GRIA1: variants seen among roughly 807,000 people sequenced by gnomAD.
GRIA1 encodes the protein glutamate ionotropic receptor AMPA type subunit 1.
Under a neutral mutation model 99.2 loss-of-function variants are expected in GRIA1, and 31 were observed. That is an observed-to-expected ratio of 0.31 (90% CI 0.23 to 0.42). The LOEUF is 0.42. GRIA1 is among the 10% of genes least tolerant of loss of function. GRIA1 has a pLI of 1.00. For synonymous variants in GRIA1, 438 were observed against 432.4 expected, an observed-to-expected ratio of 1.01 and a Z score of -0.16; for missense variants, 782 against 1,157.5, an observed-to-expected ratio of 0.68 and a Z score of 4.71.
chr5:153,694,310 T>A (rs28630753), intron 8 of GRIA1, among the ~76,000 whole-genome samples: 14,164 of 152,220 alleles, frequency 0.093, 789 homozygotes, highest in African/African-American at 0.15. Flanking sequence ...TACGGCAGTT[T>A]TATAATTTTT....
At chr5:153,634,601 TCA>T (rs1753219835) in intron 2 of GRIA1, among the ~76,000 whole-genome samples, 1 of 152,076 alleles carries the variant, frequency 6.6e-6, no homozygotes, top group Non-Finnish European at 1.5e-5. Flanking sequence ...ACTCAGAGCC[TCA>T]GAGTTCAAAG....
At chr5:153,671,610 C>T (rs1286527962) in intron 5 of GRIA1, among the ~76,000 whole-genome samples, 1 of 152,186 alleles carries the variant, frequency 6.6e-6, no homozygotes, top group Non-Finnish European at 1.5e-5. Flanking sequence ...GTATTTTCAA[C>T]CTGAATTTCT....
chr5:153,590,967 G>A (rs1370128671), intron 2 of GRIA1, among the ~76,000 whole-genome samples: 1 of 152,170 alleles, frequency 6.6e-6, no homozygotes, highest in Non-Finnish European at 1.5e-5. Flanking sequence ...TGTGTTAATT[G>A]TAAGCACTGC....
At chr5:153,530,197 AAGGTTAAAT>A (rs1269734332) in intron 2 of GRIA1, among the ~76,000 whole-genome samples, 1 of 152,212 alleles carries the variant, frequency 6.6e-6, no homozygotes, top group Non-Finnish European at 1.5e-5. Flanking sequence ...CAGCCACAGA[AAGGTTAAAT>A]AGCTTGTCTC....
intron 7 of GRIA1, among the ~76,000 whole-genome samples, chr5:153,679,005 T>C (rs1448219898): frequency 6.6e-6 from 1 of 152,238 alleles, no homozygotes; most frequent in African/African-American, 2.4e-5. Flanking sequence ...ACCCATGTCC[T>C]TCTGGTTGTA....
At chr5:153,687,028 G>A (rs1293092432) in intron 8 of GRIA1, among the ~76,000 whole-genome samples, 2 of 149,660 alleles carry the variant, frequency 1.3e-5, no homozygotes, top group East Asian at 3.9e-4. Flanking sequence ...CTCTGCCTGG[G>A]ACTTCCTCCC....
At chr5:153,643,899 T>C (rs1286325121) in intron 2 of GRIA1, among the ~76,000 whole-genome samples, 2 of 152,160 alleles carry the variant, frequency 1.3e-5, no homozygotes, top group Non-Finnish European at 2.9e-5. Flanking sequence ...ATCTCACCCT[T>C]TCCTACTTCA....
chr5:153,644,428 T>C (rs1753989782), intron 2 of GRIA1, among the ~76,000 whole-genome samples: 1 of 152,086 alleles, frequency 6.6e-6, no homozygotes, highest in Non-Finnish European at 1.5e-5. Flanking sequence ...TCTGTTTGGG[T>C]TCAGCTCCTC....
intron 2 of GRIA1, among the ~76,000 whole-genome samples, chr5:153,559,963 A>G (rs924446676): frequency 2.0e-5 from 3 of 152,060 alleles, no homozygotes; most frequent in African/African-American, 7.2e-5. Context: ...ATTTGGCTTT[A>G]TCCTACAAAG....
At chr5:153,713,084 G>A (rs1430262904) in intron 11 of GRIA1, among the ~76,000 whole-genome samples, 1 of 152,282 alleles carries the variant, frequency 6.6e-6, no homozygotes, top group East Asian at 1.9e-4. Flanking sequence ...TCAACATTGA[G>A]TTTGATATTG....
In GRIA1 at chr5:153,570,263, A is replaced by G. The variant is rs557444202; in HGVS notation, c.220+76198A>G. Among the ~76,000 whole-genome samples, 3 of 152,298 alleles carry G rather than the reference A, an allele frequency of 2.0e-5. No homozygotes were observed. The South Asian group carries it at 6.2e-4, about 32-fold the overall frequency. The stretch of plus-strand genomic sequence containing the variant: ...CTTTGGCAATGGTTCTTCAATTCTG[A>G]TTATATCTGGGAGAGAAATAATAAA... On this transcript the variant is annotated intron_variant, in intron 2 of 15. Transcript: ENST00000285900.
At chr5:153,492,787 C>CAAA (rs397716942) in intron 1 of GRIA1, among the ~76,000 whole-genome samples, 1 of 146,756 alleles carries the variant, frequency 6.8e-6, no homozygotes, top group South Asian at 2.1e-4. Flanking sequence ...CTACTGTTTT[C>CAAA]AAAAAAAAAA....
At chr5:153,496,123 A>G (rs757561274) in intron 2 of GRIA1, among the ~76,000 whole-genome samples, 1 of 152,236 alleles carries the variant, frequency 6.6e-6, no homozygotes, top group Non-Finnish European at 1.5e-5. Context: ...CAAAAATAGG[A>G]GAAAAGGTTC....
At chr5:153,597,001 C>T (rs1386230051) in intron 2 of GRIA1, among the ~76,000 whole-genome samples, 2 of 152,190 alleles carry the variant, frequency 1.3e-5, no homozygotes, top group Non-Finnish European at 2.9e-5. Flanking sequence ...CGTGGCCTCC[C>T]CAGGCATTCT....
At chr5:153,655,361 A>T (rs1754864131) in intron 4 of GRIA1, among the ~76,000 whole-genome samples, 1 of 152,194 alleles carries the variant, frequency 6.6e-6, no homozygotes, top group Non-Finnish European at 1.5e-5. Context: ...TTCATCCACC[A>T]TCCATCTATT....
At chr5:153,759,130 A>G (rs1763012476) in intron 11 of GRIA1, among the ~76,000 whole-genome samples, 1 of 151,548 alleles carries the variant, frequency 6.6e-6, no homozygotes, top group African/African-American at 2.4e-5. Flanking sequence ...AAAAGTAGAA[A>G]GATATTAACA....
intron 13 of GRIA1, among the ~76,000 whole-genome samples, chr5:153,787,404 T>A: frequency 6.6e-6 from 1 of 152,208 alleles, no homozygotes; most frequent in African/African-American, 2.4e-5. Flanking sequence ...ACCATGTCAG[T>A]GACTACAGCC....
intron 4 of GRIA1, among the ~76,000 whole-genome samples, chr5:153,652,596 C>T (rs1287968208): frequency 6.6e-6 from 1 of 152,194 alleles, no homozygotes; most frequent in Non-Finnish European, 1.5e-5. Context: ...TAATTAACTC[C>T]TCTCTCAAAG....
rs372029666 is a variant in GRIA1 at position 153,794,750 on chromosome 5, G to GA, written c.2385+26dup. On this transcript the variant is annotated intron_variant, in intron 14 of 15. Transcript: ENST00000285900. Reference sequence around the variant, plus strand: ...GTGATTCCAAGGTCAGCCCCAGTAAGAAAAAAAAAAACCTAGTGGGTATGA... The same window carrying GA: ...GTGATTCCAAGGTCAGCCCCAGTAAGAAAAAAAAAAAACCTAGTGGGTATGA... 0.045 allele frequency: 49,376 copies of GA among 1,096,456 alleles called. No homozygotes were observed. Among genetic ancestry groups the GA allele is most frequent in the South Asian group, 0.054 (2,728 of 50,398 alleles). 67.9% of individuals were successfully genotyped at this position (1,096,456 alleles called of 1,614,324 possible).
Sources: allele counts gnomAD v4.1 joint callset (sites outside exome capture counted in the v4.1 genomes callset), GRCh38; gene constraint gnomAD v4.1.1; transcripts MANE v1.5; gene names NCBI Gene and HGNC (gene_info 2026-07-23, HGNC 2026-07-21).